The following GRB10 variants were observed in gnomAD, a reference collection of about 807,000 sequenced individuals.
GRB10 encodes growth factor receptor-bound protein 10.
In GRB10, 20 loss-of-function variants were observed where a neutral mutation model predicts 80.9. The ratio of observed to expected loss-of-function variants is 0.25; its 90% CI spans 0.17 to 0.36. The LOEUF is 0.36. GRB10 is among the 10% of genes least tolerant of loss of function. The pLI is 1.00. For synonymous variants in GRB10, 291 were observed against 291.5 expected, an observed-to-expected ratio of 1.00 and a Z score of 0.02; for missense variants, 548 against 747.7, an observed-to-expected ratio of 0.73 and a Z score of 3.12.
chr7:50,689,030 A>G (rs2153656281), intron 5 of GRB10, among the ~76,000 whole-genome samples: 1 of 152,284 alleles, frequency 6.6e-6, no homozygotes. Context: ...CCAACCAGAC[A>G]ATTTGCCTTC....
upstream of GRB10, among the ~76,000 whole-genome samples, chr7:50,783,486 C>G (rs2078526458): frequency 8.0e-6 from 1 of 125,594 alleles, no homozygotes; most frequent in South Asian, 2.5e-4. Context: ...ACATACACAC[C>G]ACACACATAC....
chr7:50,705,195 A>G, intron 4 of GRB10: 3 of 985,734 alleles, frequency 3.0e-6, no homozygotes, highest in South Asian at 9.4e-5. Flanking sequence ...ACCACTCACA[A>G]TGGGGGGAAG....
In GRB10 at chr7:50,591,813, C is replaced by T. The variant is rs1316614422; in HGVS notation, c.*1139G>A. On this transcript the variant is annotated 3_prime_UTR_variant, in exon 19 of 19. Coordinates refer to ENST00000401949, the MANE Select transcript of GRB10 (RefSeq NM_001350814.2). ...AGGACGGAGGGCTGCAAGCAAAGAT[C>T]TTTAAATATCAGCCTGTGCCTGTGG... The T allele has an allele frequency of 6.6e-6, 1 of 152,252 alleles. No homozygotes were observed. Among genetic ancestry groups the T allele is most frequent in the Non-Finnish European group, 1.5e-5 (1 of 68,064 alleles). 9.4% of individuals were successfully genotyped at this position (152,252 alleles called of 1,614,324 possible). A position where few individuals can be genotyped will look rare whatever the true frequency, so the allele number is the denominator to read the frequency against.
chr7:50,704,018 C>T, intron 4 of GRB10, 110 bp from the exon 5 acceptor site: 1 of 724,762 alleles, frequency 1.4e-6, no homozygotes, highest in South Asian at 1.4e-5. Flanking sequence ...TCCTTACTTC[C>T]TTTCCACTTA....
At chr7:50,644,797 G>A (rs956604670) in intron 7 of GRB10, among the ~76,000 whole-genome samples, 1 of 152,224 alleles carries the variant, frequency 6.6e-6, no homozygotes, top group African/African-American at 2.4e-5. Flanking sequence ...TGTCTGCTAA[G>A]GCCCCATGAC....
At chr7:50,784,369 G>A (rs2078599954), upstream of GRB10, among the ~76,000 whole-genome samples, 1 of 152,230 alleles carries the variant, frequency 6.6e-6, no homozygotes, top group Admixed American at 6.5e-5. Context: ...GTCTGACACA[G>A]TGGCTTCTTC....
Position 50,772,551 on chromosome 7 carries a change from T to C in GRB10, c.-217+8076A>G, listed in dbSNP as rs1300041855. Among the ~76,000 whole-genome samples the C allele has an allele frequency of 2.6e-5, 4 of 152,306 alleles. No individual in the cohort carries two copies. The East Asian group carries it at 5.8e-4, about 22-fold the overall frequency. On this transcript the variant is annotated intron_variant, in intron 2 of 18. Transcript: ENST00000401949. ...GAATTCTTGCTTTTGTCACTTCTACTTAACACAGTATTGGAAGCTCTAGCC... is the reference window on the plus strand; with the variant it reads ...GAATTCTTGCTTTTGTCACTTCTACCTAACACAGTATTGGAAGCTCTAGCC...
chr7:50,606,896 A>C (rs553943780), intron 13 of GRB10: 7 of 177,562 alleles, frequency 3.9e-5, no homozygotes, highest in Admixed American at 1.1e-4. Context: ...TGTATCAAGC[A>C]ATTTAAGTTT....
In GRB10 at chr7:50,592,524, GAATAC is replaced by G. The variant is rs1264501392; in HGVS notation, c.*423_*427del. On this transcript the variant is annotated 3_prime_UTR_variant, in exon 19 of 19. Coordinates refer to ENST00000401949, the MANE Select transcript of GRB10 (RefSeq NM_001350814.2). ...CCACATCCCCCTCCTACAATAGGCTGAATACAATATTGAAAACAAAGAAGGAGTGC... is the reference window on the plus strand; with the variant it reads ...CCACATCCCCCTCCTACAATAGGCTGAATATTGAAAACAAAGAAGGAGTGC... 1.1e-5 allele frequency: 3 copies of G among 262,360 alleles called. No individual in the cohort carries two copies. Among genetic ancestry groups the G allele is most frequent in the East Asian group, 9.5e-5 (1 of 10,498 alleles). 16.3% of individuals were successfully genotyped at this position (262,360 alleles called of 1,614,324 possible).
intron 18 of GRB10, among the ~76,000 whole-genome samples, chr7:50,593,398 C>A (rs2046065722): frequency 6.6e-6 from 1 of 152,140 alleles, no homozygotes. Context: ...CCCCAGTTCA[C>A]CCAGCTCATG....
chr7:50,641,150 T>C (rs540661251), intron 7 of GRB10, among the ~76,000 whole-genome samples: 1 of 127,780 alleles, frequency 7.8e-6, no homozygotes, highest in South Asian at 2.4e-4. Context: ...TTGCTCACTC[T>C]TCCTCACTCT....
chr7:50,606,193 C>T (rs1025384922), intron 14 of GRB10, 144 bp downstream of exon 14: 21 of 774,498 alleles, frequency 2.7e-5, no homozygotes, highest in South Asian at 1.5e-4. Flanking sequence ...CCCACGTCAT[C>T]GTGGGACATA....
chr7:50,603,698 C>A (rs1262366214), intron 17 of GRB10, among the ~76,000 whole-genome samples: 3 of 152,166 alleles, frequency 2.0e-5, no homozygotes, highest in Non-Finnish European at 4.4e-5. Flanking sequence ...TTTTTTCCAT[C>A]TGCCCACTAC....
At chr7:50,716,479 T>C (rs1219691256) in intron 4 of GRB10, among the ~76,000 whole-genome samples, 2 of 151,990 alleles carry the variant, frequency 1.3e-5, no homozygotes, top group Non-Finnish European at 2.9e-5. Context: ...ATAAAACCCA[T>C]AACGATAAGG....
intron 3 of GRB10, among the ~76,000 whole-genome samples, chr7:50,750,951 G>A (rs745549031): frequency 8.5e-5 from 13 of 152,198 alleles, no homozygotes; most frequent in East Asian, 1.9e-4. Flanking sequence ...CACCTAGGAC[G>A]TGAGTGGAGT....
At chr7:50,710,992 TG>T (rs1446573187) in intron 4 of GRB10, 1 of 1,175,282 alleles carries the variant, frequency 8.5e-7, no homozygotes, top group Non-Finnish European at 1.3e-6. Flanking sequence ...TTTCAGAACC[TG>T]GAGAACGGCA....
At chr7:50,605,211 G>A (rs1197619203) in intron 15 of GRB10, 79 bp downstream of exon 15, 8 of 1,107,890 alleles carry the variant, frequency 7.2e-6, no homozygotes, top group South Asian at 1.2e-5. Context: ...GCATAGAGCT[G>A]TTCCTCTGGG....
chr7:50,634,637 C>A (rs530610906), intron 7 of GRB10, among the ~76,000 whole-genome samples: 1 of 152,304 alleles, frequency 6.6e-6, no homozygotes, highest in East Asian at 1.9e-4. Context: ...CTGCTGCCTA[C>A]AAGAGACCCA....
At chr7:50,609,267 CA>C (rs1473550066) in intron 13 of GRB10, among the ~76,000 whole-genome samples, 3 of 151,998 alleles carry the variant, frequency 2.0e-5, no homozygotes, top group African/African-American at 7.2e-5. Context: ...ATTCCTTAAA[CA>C]TAAGGACCCA....
Sources: gnomAD v4.1 joint callset for allele counts (sites outside exome capture counted in the v4.1 genomes callset) on GRCh38, gnomAD v4.1.1 for gene constraint, MANE v1.5 for transcripts, NCBI Gene and HGNC (gene_info 2026-07-23, HGNC 2026-07-21) for gene names.